The following SCN7A variants were observed in gnomAD, a reference collection of about 807,000 sequenced individuals.
The protein encoded by SCN7A is sodium channel protein type 7 subunit alpha.
A neutral mutation model predicts 155.2 loss-of-function variants in SCN7A; 138 were observed. The observed-to-expected ratio is 0.89, with a 90% CI of 0.77 to 1.02. SCN7A has a LOEUF of 1.02. Ranked by LOEUF, SCN7A falls within the 50% of genes least tolerant of loss-of-function variation. The probability of loss-of-function intolerance (pLI) is 0.00; values close to 1 mark genes in which losing one functional copy is unlikely to be tolerated. For synonymous variants in SCN7A, 693 were observed against 649.0 expected (o/e 1.07, Z -1.03); for missense variants, 2,058 against 1,986.6 (o/e 1.04, Z -0.68).
chr2:166,462,530 A>C lies in SCN7A; in HGVS notation c.942T>G (p.Gly314=). The C allele has an allele frequency of 2.5e-6, 4 of 1,612,210 alleles. No homozygotes were observed. Among genetic ancestry groups the C allele is most frequent in the Non-Finnish European group, 3.4e-6 (4 of 1,179,376 alleles). ...ALLCGNRTDA[G]QCPEGYVCVK... ...CACACACATATCCTTCAGGACACTG[A>C]CTAAAGAAGACAAAGAAAAAAACCT... Residue 314 remains glycine (G), a splice_region_variant and synonymous_variant, in exon 10 of 26, where the codon GGT becomes GGG. Transcript: ENST00000643258.
At chr2:166,475,150 A>G (rs1289611734) in intron 3 of SCN7A, among the ~76,000 whole-genome samples, 1 of 141,764 alleles carries the variant, frequency 7.1e-6, no homozygotes, top group Non-Finnish European at 1.5e-5. Context: ...ACACACACAC[A>G]TTCAGTGAAA....
intron 15 of SCN7A, among the ~76,000 whole-genome samples, chr2:166,434,659 C>A (rs1020770480): frequency 2.0e-5 from 3 of 152,152 alleles, no homozygotes; most frequent in African/African-American, 7.2e-5. Context: ...CTATTAGCAA[C>A]TCTATGATTC....
rs367571939 is a variant in SCN7A, at chr2:166,405,832, T to C, written c.4797A>G (p.Ile1599Met). ...DVRMEKVVSE[I>M]ESGFLLANPF... is the part of the protein sequence containing the mutation. Reference sequence around the variant, plus strand: ...GGTTGGCTAACAAAAACCCTGATTCTATTTCTGAAACAACTTTCTCCATCC... The same window carrying C: ...GGTTGGCTAACAAAAACCCTGATTCCATTTCTGAAACAACTTTCTCCATCC... The change falls in exon 26 of 26, where the codon ATA becomes ATG. Residue 1599 changes from isoleucine (I) to methionine (M), a missense_variant. Physicochemically the swap from Ile to Met is conservative, Grantham distance 10. Coordinates refer to ENST00000643258, the MANE Select transcript of SCN7A (RefSeq NM_002976.4). 6 of 1,613,146 alleles carry C rather than the reference T, an allele frequency of 3.7e-6. No individual in the cohort carries two copies. The highest frequency in any genetic ancestry group is 5.1e-6 in the Non-Finnish European group (6 of 1,179,376).
chr2:166,471,862 G>A (rs1263027816), intron 6 of SCN7A, among the ~76,000 whole-genome samples: 1 of 151,820 alleles, frequency 6.6e-6, no homozygotes, highest in East Asian at 1.9e-4. Flanking sequence ...GTATTCAAGG[G>A]ATTTGCTCAC....
intron 11 of SCN7A, among the ~76,000 whole-genome samples, chr2:166,452,805 A>G (rs1259836998): frequency 6.6e-6 from 1 of 152,158 alleles, no homozygotes; most frequent in South Asian, 2.1e-4. Flanking sequence ...GTATAGATCA[A>G]TCTCTGCAGC....
At chr2:166,425,149 T>A (rs1000287415) in intron 18 of SCN7A, among the ~76,000 whole-genome samples, 2 of 152,110 alleles carry the variant, frequency 1.3e-5, no homozygotes, top group African/African-American at 2.4e-5. Context: ...AAGATCAAGC[T>A]GAATTGAGTC....
At chr2:166,414,111 A>ATTT (rs1161076242) in intron 21 of SCN7A, among the ~76,000 whole-genome samples, 1 of 88,402 alleles carries the variant, frequency 1.1e-5, no homozygotes, top group Non-Finnish European at 2.0e-5. Context: ...TATTATATAT[A>ATTT]AATATATATA....
intron 7 of SCN7A, among the ~76,000 whole-genome samples, chr2:166,467,529 AGAT>A (rs1366164587): frequency 1.3e-5 from 2 of 150,870 alleles, no homozygotes; most frequent in Non-Finnish European, 3.0e-5. Flanking sequence ...ATAGATAGAT[AGAT>A]AATTTCCATC....
At chr2:166,450,447 C>T (rs1040666251) in intron 11 of SCN7A, among the ~76,000 whole-genome samples, 22 of 151,882 alleles carry the variant, frequency 1.4e-4, no homozygotes, top group African/African-American at 5.3e-4. Flanking sequence ...GCACATGTAC[C>T]CTCGAATCTA....
chr2:166,463,286 C>A (rs1702454277), intron 9 of SCN7A, among the ~76,000 whole-genome samples: 1 of 152,172 alleles, frequency 6.6e-6, no homozygotes, highest in Admixed American at 6.5e-5. Flanking sequence ...TCCATTATTA[C>A]AGTGGCAGTC....
At chr2:166,472,172 A>G (rs1369679467) in intron 6 of SCN7A, 145 bp downstream of exon 6, 8 of 679,716 alleles carry the variant, frequency 1.2e-5, no homozygotes, top group Non-Finnish European at 1.9e-5. Context: ...GGCAGCTGAG[A>G]GAGCTCACTA....
At chr2:166,479,574 G>A (rs1317382375) in intron 2 of SCN7A, among the ~76,000 whole-genome samples, 1 of 152,066 alleles carries the variant, frequency 6.6e-6, no homozygotes, top group Non-Finnish European at 1.5e-5. Context: ...TTAAAGAATG[G>A]CTTCCTTTTC....
At chr2:166,463,843 C>A (rs1256249652) in intron 9 of SCN7A, among the ~76,000 whole-genome samples, 1 of 151,956 alleles carries the variant, frequency 6.6e-6, no homozygotes. Context: ...ATCGCTTAAG[C>A]CCAAGAGGTC....
chr2:166,427,640 T>A, intron 18 of SCN7A, 148 bp downstream of exon 18: 4 of 545,736 alleles, frequency 7.3e-6, no homozygotes, highest in Non-Finnish European at 1.2e-5. Context: ...TTATTTAGAT[T>A]TTAAATCACA....
At chr2:166,425,444 G>GT (rs1272647661) in intron 18 of SCN7A, among the ~76,000 whole-genome samples, 1 of 152,008 alleles carries the variant, frequency 6.6e-6, no homozygotes, top group African/African-American at 2.4e-5. Flanking sequence ...TATTGTGACT[G>GT]TAACAGATTA....
Position 166,406,350 on chromosome 2 carries a change from G to A in SCN7A, c.4279C>T (p.Leu1427Phe), listed in dbSNP as rs764463336. ...FETFGNSMLCLFQVAIFAGWD... is the reference protein window; with the variant it reads ...FETFGNSMLCFFQVAIFAGWD... ...CCAGCAAATATTGCAACTTGAAAAAGACAGAGCATACTGTTGCCAAAGGTT... is the reference window on the plus strand; with the variant it reads ...CCAGCAAATATTGCAACTTGAAAAAAACAGAGCATACTGTTGCCAAAGGTT... Residue 1427 changes from leucine to phenylalanine, a missense_variant, in exon 26 of 26, where the codon CTT (leucine) becomes TTT (phenylalanine). By Grantham distance (22) the Leu-to-Phe change is conservative (BLOSUM62 0). Transcript: ENST00000643258. 6.2e-7 allele frequency: 1 copy of A among 1,613,066 alleles called. No individual in the cohort carries two copies.
intron 11 of SCN7A, among the ~76,000 whole-genome samples, chr2:166,451,774 T>C (rs991085338): frequency 6.6e-6 from 1 of 152,170 alleles, no homozygotes; most frequent in African/African-American, 2.4e-5. Flanking sequence ...CAAAGGACCA[T>C]GCCTCTCTGC....
intron 15 of SCN7A, among the ~76,000 whole-genome samples, chr2:166,435,762 C>A (rs1449584027): frequency 6.6e-6 from 1 of 151,990 alleles, no homozygotes; most frequent in Non-Finnish European, 1.5e-5. Flanking sequence ...TTTTAAAAGG[C>A]AACTGAATTT....
intron 1 of SCN7A, among the ~76,000 whole-genome samples, chr2:166,488,191 C>G (rs1477460717): frequency 6.6e-6 from 1 of 152,170 alleles, no homozygotes; most frequent in Admixed American, 6.5e-5. Context: ...CTTGACTGCA[C>G]TTAATAGATA....
Sources: allele counts gnomAD v4.1 joint callset (sites outside exome capture counted in the v4.1 genomes callset), GRCh38; gene constraint gnomAD v4.1.1; transcripts MANE v1.5; gene names NCBI Gene and HGNC (gene_info 2026-07-23, HGNC 2026-07-21).